FTO: variants seen among roughly 807,000 people sequenced by gnomAD.
FTO encodes the protein alpha-ketoglutarate-dependent dioxygenase FTO.
A neutral mutation model predicts 63.9 loss-of-function variants in FTO; 47 were observed. That is an observed-to-expected ratio of 0.74 (90% CI 0.58 to 0.94). The LOEUF (loss-of-function observed/expected upper bound fraction) is 0.94, where lower values mean the gene tolerates loss of function less well. Ranked by LOEUF, FTO falls within the 40% of genes least tolerant of loss-of-function variation. FTO has a pLI of 0.00. For missense variants in FTO, 562 were observed against 618.1 expected, an observed-to-expected ratio of 0.91 and a Z score of 0.96; for synonymous variants, 207 against 224.4, an observed-to-expected ratio of 0.92 and a Z score of 0.69.
chr16:53,751,829 T>C (rs555009187), intron 1 of FTO, among the ~76,000 whole-genome samples: 1 of 152,242 alleles, frequency 6.6e-6, no homozygotes, highest in Non-Finnish European at 1.5e-5. Flanking sequence ...CTAACAAAAA[T>C]AATGATGCAG....
intron 4 of FTO, among the ~76,000 whole-genome samples, chr16:53,853,464 A>AC (rs2079875635): frequency 6.7e-6 from 1 of 150,010 alleles, no homozygotes; most frequent in Non-Finnish European, 1.5e-5. Context: ...TTCATCCATC[A>AC]CCCCCCTCCC....
At chr16:53,745,486 G>A (rs1018702517) in intron 1 of FTO, among the ~76,000 whole-genome samples, 2 of 152,174 alleles carry the variant, frequency 1.3e-5, no homozygotes, top group Admixed American at 6.5e-5. Flanking sequence ...GCTCCACTGT[G>A]ATTGCATTGG....
At chr16:53,756,491 G>A (rs894654097) in intron 1 of FTO, among the ~76,000 whole-genome samples, 6 of 152,102 alleles carry the variant, frequency 3.9e-5, no homozygotes, top group African/African-American at 7.2e-5. Flanking sequence ...TTTGGTTTCC[G>A]GCCATAAAGT....
At chr16:54,080,143 T>C (rs1293143528) in intron 8 of FTO, among the ~76,000 whole-genome samples, 3 of 152,010 alleles carry the variant, frequency 2.0e-5, no homozygotes, top group African/African-American at 7.2e-5. Flanking sequence ...TCCCAGCACT[T>C]TGGGAGGCTG....
intron 4 of FTO, among the ~76,000 whole-genome samples, chr16:53,864,613 TG>T (rs1567375024): frequency 6.6e-6 from 1 of 152,210 alleles, no homozygotes; most frequent in Non-Finnish European, 1.5e-5. Context: ...TTTTTGTGTG[TG>T]TGTTGTCACA....
intron 8 of FTO, among the ~76,000 whole-genome samples, chr16:54,016,697 G>C (rs1211234839): frequency 6.6e-6 from 1 of 152,204 alleles, no homozygotes; most frequent in Non-Finnish European, 1.5e-5. Flanking sequence ...GAAGTGGGAA[G>C]ATATGAGGCT....
At chr16:54,010,756 T>C (rs72809637) in intron 8 of FTO, among the ~76,000 whole-genome samples, 60 of 152,324 alleles carry the variant, frequency 3.9e-4, no homozygotes, top group Non-Finnish European at 7.5e-4. Flanking sequence ...ACAGTGAATT[T>C]GTGCCCCTGG....
intron 8 of FTO, chr16:53,937,961 A>T (rs946407648): frequency 1.3e-5 from 2 of 152,228 alleles, no homozygotes; most frequent in African/African-American, 4.8e-5. Context: ...GGTGTTGTTT[A>T]TTATGGGATA....
At chr16:53,852,101 C>CAAAAAAAAAAAAAAAAAAAAAAAAAAA (rs57004473) in intron 4 of FTO, among the ~76,000 whole-genome samples, 2 of 54,442 alleles carry the variant, frequency 3.7e-5, no homozygotes, top group African/African-American at 5.9e-5. Flanking sequence ...ACAAAAAATA[C>CAAAAAAAAAAAAAAAAAAAAAAAAAAA]AAAAAAAAAA....
chr16:54,085,444 A>T (rs1444409022), intron 8 of FTO, among the ~76,000 whole-genome samples: 2 of 152,082 alleles, frequency 1.3e-5, no homozygotes, highest in East Asian at 1.9e-4. Context: ...TTAGTTTATT[A>T]TGAGTACATT....
At chr16:53,989,464 G>A (rs1167849626) in intron 8 of FTO, among the ~76,000 whole-genome samples, 1 of 152,096 alleles carries the variant, frequency 6.6e-6, no homozygotes, top group Non-Finnish European at 1.5e-5. Flanking sequence ...TAGGATAGTA[G>A]GAATGTTAAT....
At chr16:53,730,296 TC>T (rs2151509763) in intron 1 of FTO, among the ~76,000 whole-genome samples, 1 of 152,290 alleles carries the variant, frequency 6.6e-6, no homozygotes, top group East Asian at 1.9e-4. Flanking sequence ...CAAGTTAGCT[TC>T]AGATAAACTT....
chr16:54,018,701 G>A (rs771230778), intron 8 of FTO, among the ~76,000 whole-genome samples: 3 of 152,082 alleles, frequency 2.0e-5, no homozygotes, highest in Non-Finnish European at 2.9e-5. Flanking sequence ...CCTTTACTGG[G>A]TTCTCATTCT....
At chr16:53,766,858 C>T (rs970034040) in intron 1 of FTO, among the ~76,000 whole-genome samples, 1 of 152,146 alleles carries the variant, frequency 6.6e-6, no homozygotes, top group African/African-American at 2.4e-5. Context: ...TGGGTTGCAT[C>T]GCCAGACTGT....
Position 53,925,907 on chromosome 16 carries a change from C to G in FTO, c.1240-8078C>G, listed in dbSNP as rs1191092954. Among the ~76,000 whole-genome samples, 11 of 152,214 alleles carry G rather than the reference C, an allele frequency of 7.2e-5. 1 individual carries two copies. The East Asian group carries it at 1.9e-3, about 27-fold the overall frequency. On this transcript the variant is annotated intron_variant, in intron 7 of 8. Transcript: ENST00000471389. ...AAACTTAAGCATAAAATTCAAGGCTCCTTAGAGTTCTTGGCTTTTCTTTTC... is the reference window on the plus strand; with the variant it reads ...AAACTTAAGCATAAAATTCAAGGCTGCTTAGAGTTCTTGGCTTTTCTTTTC...
chr16:53,738,736 C>T (rs555682097), intron 1 of FTO, among the ~76,000 whole-genome samples: 10 of 152,310 alleles, frequency 6.6e-5, no homozygotes, highest in South Asian at 4.1e-4. Context: ...TACACCCTTG[C>T]CAACACTTGT....
intron 8 of FTO, among the ~76,000 whole-genome samples, chr16:54,063,141 T>A (rs2144399562): frequency 6.6e-6 from 1 of 152,284 alleles, no homozygotes; most frequent in African/African-American, 2.4e-5. Flanking sequence ...GCACATTTGG[T>A]TTAGAAGGCT....
At chr16:54,102,424 C>T (rs1318104863) in intron 8 of FTO, among the ~76,000 whole-genome samples, 1 of 152,066 alleles carries the variant, frequency 6.6e-6, no homozygotes, top group Non-Finnish European at 1.5e-5. Flanking sequence ...TGAAAAATAA[C>T]AATCAGCTGG....
At chr16:53,993,425 T>G (rs1343260194) in intron 8 of FTO, 2 of 152,210 alleles carry the variant, frequency 1.3e-5, no homozygotes, top group Non-Finnish European at 2.9e-5. Context: ...TGCCCATTAG[T>G]CTTTGGCAAT....
Sources: allele counts gnomAD v4.1 joint callset (sites outside exome capture counted in the v4.1 genomes callset), GRCh38; gene constraint gnomAD v4.1.1; transcripts MANE v1.5; gene names NCBI Gene and HGNC (gene_info 2026-07-23, HGNC 2026-07-21).